Variants in CENPW observed in about 807,000 individuals in gnomAD.
The protein encoded by CENPW is centromere protein W.
A neutral mutation model predicts 11.1 loss-of-function variants in CENPW; 3 were observed. The ratio of observed to expected loss-of-function variants is 0.27; its 90% CI spans 0.12 to 0.70. The LOEUF is 0.70. CENPW is among the 30% of genes least tolerant of loss of function. The pLI is 0.77. For synonymous variants in CENPW, 38 were observed against 42.0 expected (o/e 0.91, Z 0.37); for missense variants, 100 against 105.6 (o/e 0.95, Z 0.23).
intron 2 of CENPW, among the ~76,000 whole-genome samples, chr6:126,348,111 T>G (rs1417147194): frequency 1.3e-5 from 2 of 151,982 alleles, no homozygotes; most frequent in African/African-American, 2.4e-5. Flanking sequence ...TGGTATTGTT[T>G]AACTCCTAAT....
At chr6:126,362,931 G>A in the CENPW span, among the ~76,000 whole-genome samples, 1 of 152,036 alleles carries the variant, frequency 6.6e-6, no homozygotes, top group African/African-American at 2.4e-5. Flanking sequence ...TCTTTTGTAT[G>A]GAGCTGGGAC....
the CENPW span, among the ~76,000 whole-genome samples, chr6:126,447,399 A>C: frequency 6.6e-6 from 1 of 151,220 alleles, no homozygotes; most frequent in Non-Finnish European, 1.5e-5. Flanking sequence ...AAAAGTTGGG[A>C]CAAATAGAAG....
At chr6:126,461,757 G>T in the CENPW span, among the ~76,000 whole-genome samples, 21 of 151,990 alleles carry the variant, frequency 1.4e-4, no homozygotes, top group African/African-American at 5.1e-4. Flanking sequence ...TTTGATGTAT[G>T]TTGTAAGTAA....
chr6:126,445,627 T>G, the CENPW span, among the ~76,000 whole-genome samples: 1 of 151,154 alleles, frequency 6.6e-6, no homozygotes, highest in Non-Finnish European at 1.5e-5. Flanking sequence ...CTAAATAAAC[T>G]CTTAACTAAT....
the CENPW span, among the ~76,000 whole-genome samples, chr6:126,357,657 G>A: frequency 2.7e-5 from 4 of 150,942 alleles, no homozygotes; most frequent in African/African-American, 7.3e-5. Flanking sequence ...CGCCCAGCCT[G>A]TAGTGCAGTG....
chr6:126,351,883 T>C (rs1248589939), downstream of CENPW, among the ~76,000 whole-genome samples: 1 of 152,090 alleles, frequency 6.6e-6, no homozygotes, highest in East Asian at 1.9e-4. Flanking sequence ...ATCTTGACAA[T>C]CAATATAGCA....
downstream of CENPW, among the ~76,000 whole-genome samples, chr6:126,350,199 T>C (rs1175512658): frequency 6.6e-6 from 1 of 152,138 alleles, no homozygotes; most frequent in Non-Finnish European, 1.5e-5. Context: ...TATGCAGCAT[T>C]GTGGTTTTAA....
the CENPW span, among the ~76,000 whole-genome samples, chr6:126,377,847 C>G: frequency 1.3e-5 from 2 of 152,114 alleles, no homozygotes; most frequent in Non-Finnish European, 2.9e-5. Flanking sequence ...CTTGGAGAAC[C>G]TTCACAGTAA....
the CENPW span, among the ~76,000 whole-genome samples, chr6:126,354,237 C>G: frequency 1.3e-5 from 2 of 152,070 alleles, no homozygotes; most frequent in Non-Finnish European, 2.9e-5. Flanking sequence ...TAATTAGTGA[C>G]TGTACTAATT....
chr6:126,481,845 A>G, the CENPW span, among the ~76,000 whole-genome samples: 4 of 152,124 alleles, frequency 2.6e-5, no homozygotes, highest in Non-Finnish European at 4.4e-5. Flanking sequence ...ATAGTCAATT[A>G]TTTTAATTTT....
chr6:126,474,924 G>T, the CENPW span, among the ~76,000 whole-genome samples: 3 of 152,114 alleles, frequency 2.0e-5, no homozygotes, highest in East Asian at 5.8e-4. Flanking sequence ...CAGATTTTAG[G>T]TGCCTGCTAT....
the CENPW span, among the ~76,000 whole-genome samples, chr6:126,435,375 GCTTA>G: frequency 6.6e-6 from 1 of 151,598 alleles, no homozygotes; most frequent in East Asian, 1.9e-4. Context: ...GTGATATTAT[GCTTA>G]CTTTTTTCTA....
At chr6:126,465,124 A>G in the CENPW span, among the ~76,000 whole-genome samples, 2 of 152,264 alleles carry the variant, frequency 1.3e-5, no homozygotes, top group East Asian at 1.9e-4. Context: ...GATGGAATCT[A>G]TAAACGTAAG....
At chr6:126,357,537 C>A in the CENPW span, among the ~76,000 whole-genome samples, 2 of 151,868 alleles carry the variant, frequency 1.3e-5, no homozygotes, top group Admixed American at 6.5e-5. Flanking sequence ...GACATGTATT[C>A]TTCTATGAGC....
chr6:126,430,609 T>A, the CENPW span, among the ~76,000 whole-genome samples: 1 of 152,134 alleles, frequency 6.6e-6, no homozygotes, highest in African/African-American at 2.4e-5. Context: ...TCTGAACTCT[T>A]TTCATAGTAG....
At chr6:126,378,885 T>C in the CENPW span, among the ~76,000 whole-genome samples, 1 of 152,170 alleles carries the variant, frequency 6.6e-6, no homozygotes, top group Non-Finnish European at 1.5e-5. Flanking sequence ...CAAGAAAGAT[T>C]AGCCACTGGC....
chr6:126,404,600 T>G, the CENPW span, among the ~76,000 whole-genome samples: 1 of 152,124 alleles, frequency 6.6e-6, no homozygotes, highest in South Asian at 2.1e-4. Flanking sequence ...TTTTTCCTAA[T>G]GGATGTAATA....
the CENPW span, among the ~76,000 whole-genome samples, chr6:126,424,512 G>A: frequency 6.6e-6 from 1 of 152,086 alleles, no homozygotes; most frequent in Non-Finnish European, 1.5e-5. Flanking sequence ...AATAATTTGT[G>A]GAGAAGGGAT....
the CENPW span, among the ~76,000 whole-genome samples, chr6:126,447,567 T>G: frequency 6.6e-6 from 1 of 151,226 alleles, no homozygotes; most frequent in African/African-American, 2.4e-5. Context: ...ATACAGTGTT[T>G]TAAATGTCCA....
Sources: gnomAD v4.1 joint callset for allele counts (sites outside exome capture counted in the v4.1 genomes callset) on GRCh38, gnomAD v4.1.1 for gene constraint, MANE v1.5 for transcripts, NCBI Gene and HGNC (gene_info 2026-07-23, HGNC 2026-07-21) for gene names.